The following ALKBH8 variants were observed in gnomAD, a reference collection of about 807,000 sequenced individuals.
The protein encoded by ALKBH8 is tRNA (carboxymethyluridine(34)-5-O)-methyltransferase ALKBH8.
In ALKBH8, 36 loss-of-function variants were observed where a neutral mutation model predicts 59.8. The observed-to-expected ratio is 0.60, with a 90% CI of 0.46 to 0.79. The LOEUF (loss-of-function observed/expected upper bound fraction) is 0.79, where lower values mean the gene tolerates loss of function less well. ALKBH8 is among the 30% of genes least tolerant of loss of function. The pLI, the probability that ALKBH8 is intolerant of heterozygous loss-of-function variation, is 0.00. For missense variants in ALKBH8, 768 were observed against 801.0 expected, an observed-to-expected ratio of 0.96 and a Z score of 0.50; for synonymous variants, 276 against 273.6, an observed-to-expected ratio of 1.01 and a Z score of -0.09.
At chr11:107,524,343 C>A (rs972266267) in intron 9 of ALKBH8, among the ~76,000 whole-genome samples, 1 of 152,074 alleles carries the variant, frequency 6.6e-6, no homozygotes, top group Non-Finnish European at 1.5e-5. Context: ...GGATTACAGG[C>A]ATGAGCCACT....
intron 7 of ALKBH8, among the ~76,000 whole-genome samples, chr11:107,540,889 G>C (rs887014751): frequency 6.6e-6 from 1 of 152,098 alleles, no homozygotes; most frequent in Admixed American, 6.5e-5. Context: ...AAATATTTTT[G>C]AATGAATGAA....
chr11:107,508,048 TATAA>T (rs1265868212), intron 11 of ALKBH8, among the ~76,000 whole-genome samples: 2 of 152,134 alleles, frequency 1.3e-5, no homozygotes, highest in Non-Finnish European at 2.9e-5. Flanking sequence ...TCCAACAAAT[TATAA>T]ATAAATAAAT....
intron 10 of ALKBH8, among the ~76,000 whole-genome samples, chr11:107,519,608 T>C (rs965263844): frequency 1.3e-5 from 2 of 152,126 alleles, no homozygotes; most frequent in Non-Finnish European, 2.9e-5. Context: ...ATTTCAGAAT[T>C]TTTTGGATTT....
intron 10 of ALKBH8, among the ~76,000 whole-genome samples, chr11:107,518,816 C>T (rs1565318556): frequency 6.6e-6 from 1 of 151,990 alleles, no homozygotes; most frequent in Non-Finnish European, 1.5e-5. Flanking sequence ...GGGTAAATCT[C>T]TGGGGCTCTC....
intron 10 of ALKBH8, 97 bp from the exon 11 acceptor site, chr11:107,511,133 A>T: frequency 8.0e-7 from 1 of 1,253,084 alleles, no homozygotes. Context: ...TTAGACAGAT[A>T]CCATATTCAT....
At chr11:107,557,724 G>A (rs61338369) in intron 2 of ALKBH8, among the ~76,000 whole-genome samples, 1,616 of 152,172 alleles carry the variant, frequency 0.011, 31 homozygotes, top group African/African-American at 0.037. Context: ...TAAGTTTCAC[G>A]ATTACTTCCT....
intron 10 of ALKBH8, among the ~76,000 whole-genome samples, chr11:107,520,253 T>C (rs1443210485): frequency 6.6e-6 from 1 of 152,210 alleles, no homozygotes; most frequent in Non-Finnish European, 1.5e-5. Context: ...AATCAGGCAA[T>C]GCAGTAAGCT....
intron 11 of ALKBH8, among the ~76,000 whole-genome samples, chr11:107,507,528 C>T (rs984667719): frequency 2.0e-5 from 3 of 151,990 alleles, no homozygotes; most frequent in South Asian, 2.1e-4. Flanking sequence ...ATAATAATAA[C>T]TAATATTTTC....
chr11:107,535,386 T>G (rs540602647), intron 7 of ALKBH8, among the ~76,000 whole-genome samples: 1 of 152,312 alleles, frequency 6.6e-6, no homozygotes, highest in East Asian at 1.9e-4. Context: ...GTAAAAGTGT[T>G]CCCTTTTTTA....
At chr11:107,512,779 G>A (rs1862691297) in intron 10 of ALKBH8, among the ~76,000 whole-genome samples, 1 of 152,130 alleles carries the variant, frequency 6.6e-6, no homozygotes, top group Non-Finnish European at 1.5e-5. Flanking sequence ...TGATCCTAGG[G>A]CTGATCCTCA....
At chr11:107,536,500 C>G (rs1473730761) in intron 7 of ALKBH8, among the ~76,000 whole-genome samples, 1 of 152,176 alleles carries the variant, frequency 6.6e-6, no homozygotes, top group East Asian at 1.9e-4. Flanking sequence ...AAGTTGATCA[C>G]TTATTGTGAT....
At chr11:107,522,627 G>GA (rs1169086944) in intron 9 of ALKBH8, 72 bp from the exon 10 acceptor site, 15,287 of 1,132,816 alleles carry the variant, frequency 0.013, 59 homozygotes, top group Admixed American at 0.058. Flanking sequence ...TTTCTTAAAT[G>GA]AAAAAAAAAA....
chr11:107,533,460 GTA>G (rs1226359331), intron 7 of ALKBH8, among the ~76,000 whole-genome samples: 1 of 152,026 alleles, frequency 6.6e-6, no homozygotes, highest in African/African-American at 2.4e-5. Flanking sequence ...CTATAAAAAA[GTA>G]TACAGAGCTA....
chr11:107,518,085 G>GA (rs1178195009), intron 10 of ALKBH8, among the ~76,000 whole-genome samples: 1 of 148,192 alleles, frequency 6.7e-6, no homozygotes, highest in African/African-American at 2.4e-5. Flanking sequence ...ATAAAATACA[G>GA]AAAAAATACT....
chr11:107,560,672 T>C, intron 2 of ALKBH8, 93 bp downstream of exon 2: 1 of 1,248,832 alleles, frequency 8.0e-7, no homozygotes, highest in South Asian at 1.7e-5. Context: ...GACTGAACAA[T>C]TACAGCCTTA....
At chr11:107,564,359 A>G (rs1299114506) in intron 1 of ALKBH8, among the ~76,000 whole-genome samples, 7 of 152,320 alleles carry the variant, frequency 4.6e-5, no homozygotes, top group East Asian at 1.9e-4. Flanking sequence ...TCCTATACTT[A>G]TATGTTTAAA....
intron 3 of ALKBH8, 152 bp from the exon 4 acceptor site, chr11:107,554,130 G>A (rs946838582): frequency 1.1e-6 from 1 of 921,972 alleles, no homozygotes; most frequent in Admixed American, 2.9e-5. Context: ...TATTAAAAGT[G>A]CAGAAACAAA....
chr11:107,564,944 C>T (rs1865073250), intron 1 of ALKBH8, among the ~76,000 whole-genome samples: 1 of 152,218 alleles, frequency 6.6e-6, no homozygotes, highest in African/African-American at 2.4e-5. Flanking sequence ...AACCTCCCCT[C>T]CTCCAGAATT....
intron 7 of ALKBH8, among the ~76,000 whole-genome samples, chr11:107,546,381 A>T (rs1864255007): frequency 6.6e-6 from 1 of 152,206 alleles, no homozygotes; most frequent in South Asian, 2.1e-4. Context: ...GGCAGGCTGC[A>T]ATTTACGGCA....
Sources: allele counts gnomAD v4.1 joint callset (sites outside exome capture counted in the v4.1 genomes callset), GRCh38; gene constraint gnomAD v4.1.1; transcripts MANE v1.5; gene names NCBI Gene and HGNC (gene_info 2026-07-23, HGNC 2026-07-21).